The following KCND2 variants were observed in gnomAD, a reference collection of about 807,000 sequenced individuals.
The protein encoded by KCND2 is potassium voltage-gated channel subfamily D member 2.
In KCND2, 16 loss-of-function variants were observed where a neutral mutation model predicts 54.4. The observed-to-expected ratio is 0.29, with a 90% CI of 0.20 to 0.45. The LOEUF (loss-of-function observed/expected upper bound fraction) is 0.45, where lower values mean the gene tolerates loss of function less well. Among genes scored for constraint, KCND2 ranks in the 20% least tolerant of loss-of-function variants. The probability of loss-of-function intolerance (pLI) is 1.00; values close to 1 mark genes in which losing one functional copy is unlikely to be tolerated. For synonymous variants in KCND2, 317 were observed against 310.7 expected (o/e 1.02, Z -0.21); for missense variants, 486 against 824.2 (o/e 0.59, Z 5.02).
At chr7:120,492,755 C>T (rs1320075997) in intron 1 of KCND2, among the ~76,000 whole-genome samples, 1 of 152,092 alleles carries the variant, frequency 6.6e-6, no homozygotes, top group Non-Finnish European at 1.5e-5. Flanking sequence ...TACCCAACAA[C>T]ATACCTTGGC....
chr7:120,449,040 C>G (rs1802060723), intron 1 of KCND2, among the ~76,000 whole-genome samples: 1 of 152,058 alleles, frequency 6.6e-6, no homozygotes, highest in South Asian at 2.1e-4. Flanking sequence ...AAATAGAAAT[C>G]TTTTCTCAGC....
At chr7:120,548,535 A>T (rs1401604504) in intron 1 of KCND2, among the ~76,000 whole-genome samples, 1 of 152,098 alleles carries the variant, frequency 6.6e-6, no homozygotes, top group Non-Finnish European at 1.5e-5. Flanking sequence ...CCCCAAAGGG[A>T]TTGATTTCTT....
At chr7:120,515,592 G>A (rs985051970) in intron 1 of KCND2, among the ~76,000 whole-genome samples, 2 of 152,036 alleles carry the variant, frequency 1.3e-5, no homozygotes, top group Non-Finnish European at 2.9e-5. Context: ...CACCTTTGGA[G>A]GGATATGTTC....
chr7:120,311,605 G>T (rs1799737354), intron 1 of KCND2, among the ~76,000 whole-genome samples: 1 of 152,154 alleles, frequency 6.6e-6, no homozygotes, highest in Non-Finnish European at 1.5e-5. Context: ...AGGGGTACGT[G>T]TGCTGGTTTG....
intron 1 of KCND2, among the ~76,000 whole-genome samples, chr7:120,350,750 C>A (rs1475756988): frequency 1.3e-5 from 2 of 152,186 alleles, no homozygotes; most frequent in Non-Finnish European, 2.9e-5. Flanking sequence ...GGACAGATTT[C>A]TGTTCCCATG....
At chr7:120,547,046 AAGTAATTG>A (rs1317619984) in intron 1 of KCND2, among the ~76,000 whole-genome samples, 2 of 151,990 alleles carry the variant, frequency 1.3e-5, no homozygotes, top group African/African-American at 4.8e-5. Flanking sequence ...TGATATTCTT[AAGTAATTG>A]TAAACTATAA....
At chr7:120,678,345 A>T (rs1298099920) in intron 1 of KCND2, among the ~76,000 whole-genome samples, 18 of 43,764 alleles carry the variant, frequency 4.1e-4, no homozygotes, top group Admixed American at 3.4e-3. Context: ...ATGATTATTT[A>T]TATATATATA....
At chr7:120,298,885 C>T (rs73429993) in intron 1 of KCND2, among the ~76,000 whole-genome samples, 3,266 of 152,200 alleles carry the variant, frequency 0.021, 134 homozygotes, top group African/African-American at 0.074. Flanking sequence ...AGGCCTGGCG[C>T]GGTGGCTCAC....
intron 1 of KCND2, among the ~76,000 whole-genome samples, chr7:120,451,831 T>A (rs1302809336): frequency 6.6e-6 from 1 of 152,222 alleles, no homozygotes; most frequent in Non-Finnish European, 1.5e-5. Flanking sequence ...CCAGTGTCAC[T>A]GAAAATTCTA....
At chr7:120,575,149 T>TATTGACTCACATGATCACA (rs1376928259) in intron 1 of KCND2, among the ~76,000 whole-genome samples, 1 of 152,000 alleles carries the variant, frequency 6.6e-6, no homozygotes, top group Non-Finnish European at 1.5e-5. Context: ...TATTAAGGAG[T>TATTGACTCACATGATCACA]ATTGACTCAC....
intron 1 of KCND2, among the ~76,000 whole-genome samples, chr7:120,656,328 G>T (rs1214973716): frequency 6.6e-6 from 1 of 152,118 alleles, no homozygotes; most frequent in Non-Finnish European, 1.5e-5. Context: ...ATGTGTGTTT[G>T]TGCTTTTTAG....
intron 1 of KCND2, among the ~76,000 whole-genome samples, chr7:120,443,809 A>G (rs1487781684): frequency 6.6e-6 from 1 of 151,844 alleles, no homozygotes; most frequent in Non-Finnish European, 1.5e-5. Flanking sequence ...GGGGGACAAC[A>G]TTTTGCTGTG....
At chr7:120,510,590 T>G (rs1803098970) in intron 1 of KCND2, among the ~76,000 whole-genome samples, 1 of 152,084 alleles carries the variant, frequency 6.6e-6, no homozygotes, top group Non-Finnish European at 1.5e-5. Flanking sequence ...TAAAGTTTTC[T>G]TAGGAGGAGG....
chr7:120,659,881 C>G (rs959695980), intron 1 of KCND2, among the ~76,000 whole-genome samples: 2 of 152,170 alleles, frequency 1.3e-5, no homozygotes, highest in Admixed American at 1.3e-4. Flanking sequence ...GACATAGAAG[C>G]AGACCCACGT....
chr7:120,322,454 G>C (rs997435817), intron 1 of KCND2, among the ~76,000 whole-genome samples: 4 of 152,128 alleles, frequency 2.6e-5, no homozygotes, highest in Middle Eastern at 3.4e-3. Context: ...AAACATCATT[G>C]ACAGGTATAG....
chr7:120,434,713 T>C (rs1801841468), intron 1 of KCND2, among the ~76,000 whole-genome samples: 1 of 152,210 alleles, frequency 6.6e-6, no homozygotes, highest in Non-Finnish European at 1.5e-5. Context: ...GACAGTGGCC[T>C]CTTGTGGGGA....
At chr7:120,458,841 A>T (rs185946965) in intron 1 of KCND2, among the ~76,000 whole-genome samples, 169 of 150,700 alleles carry the variant, frequency 1.1e-3, no homozygotes, top group Middle Eastern at 3.5e-3. Flanking sequence ...AAAAAATAAT[A>T]ATTATTATTA....
intron 1 of KCND2, among the ~76,000 whole-genome samples, chr7:120,284,857 A>T (rs139855228): frequency 6.6e-4 from 100 of 152,286 alleles, no homozygotes; most frequent in Middle Eastern, 3.4e-3. Flanking sequence ...CCACCATTAA[A>T]CAAAATATTA....
intron 1 of KCND2, among the ~76,000 whole-genome samples, chr7:120,525,020 G>C (rs924695954): frequency 3.3e-5 from 5 of 152,000 alleles, no homozygotes; most frequent in African/African-American, 1.2e-4. Flanking sequence ...TAGTCATTCT[G>C]AATTAGTGAG....
Sources: gnomAD v4.1 joint callset for allele counts (sites outside exome capture counted in the v4.1 genomes callset) on GRCh38, gnomAD v4.1.1 for gene constraint, MANE v1.5 for transcripts, NCBI Gene and HGNC (gene_info 2026-07-23, HGNC 2026-07-21) for gene names.